The following TMEM132C variants were observed in gnomAD, a reference collection of about 807,000 sequenced individuals.
The protein encoded by TMEM132C is transmembrane protein 132C, also known as protein phosphatase 1, regulatory subunit 152.
A neutral mutation model predicts 61.4 loss-of-function variants in TMEM132C; 29 were observed. The observed-to-expected ratio is 0.47, with a 90% CI of 0.35 to 0.64. The LOEUF (loss-of-function observed/expected upper bound fraction) is 0.64. Ranked by LOEUF, TMEM132C falls within the 30% of genes least tolerant of loss-of-function variation. The probability of loss-of-function intolerance (pLI) is 0.00; values close to 1 mark genes in which losing one functional copy is unlikely to be tolerated. For synonymous variants in TMEM132C, 656 were observed against 633.1 expected (o/e 1.04, Z -0.54); for missense variants, 1,408 against 1,476.9 (o/e 0.95, Z 0.76).
At chr12:128,309,732 T>G (rs752983597) in intron 1 of TMEM132C, among the ~76,000 whole-genome samples, 2 of 151,222 alleles carry the variant, frequency 1.3e-5, no homozygotes, top group African/African-American at 2.4e-5. Flanking sequence ...TTTTCTTTTT[T>G]TTTTTTCTTT....
intron 1 of TMEM132C, among the ~76,000 whole-genome samples, chr12:128,318,085 G>A (rs966249562): frequency 1.3e-5 from 2 of 152,216 alleles, no homozygotes; most frequent in East Asian, 1.9e-4. Context: ...GCTGGGGCTC[G>A]GCTTTGAGGA....
chr12:128,440,641 C>G (rs759004347), intron 2 of TMEM132C, among the ~76,000 whole-genome samples: 3 of 152,194 alleles, frequency 2.0e-5, no homozygotes, highest in African/African-American at 7.2e-5. Flanking sequence ...TGGTTGAGAC[C>G]TGGTCACATG....
At chr12:128,309,204 T>G (rs1871888278) in intron 1 of TMEM132C, among the ~76,000 whole-genome samples, 1 of 152,204 alleles carries the variant, frequency 6.6e-6, no homozygotes. Context: ...TCGTTTTGTT[T>G]CAGGAATGAG....
At chr12:128,490,735 A>G (rs1231294095) in intron 2 of TMEM132C, among the ~76,000 whole-genome samples, 5 of 152,186 alleles carry the variant, frequency 3.3e-5, no homozygotes, top group Admixed American at 3.3e-4. Flanking sequence ...GGGTTTAAGA[A>G]CTAGCTCTGG....
Position 128,695,846 on chromosome 12 carries a change from G to C in TMEM132C, c.1672G>C (p.Glu558Gln). ...TCCCACAAGGCCCACTCGTGAGAGC[G>C]AGGATGAGGACGAGGAGGAGCGGCG... is the stretch of plus-strand genomic sequence containing the variant. ...VTNKRPTRES[E>Q]DEDEEERRGR... is the part of the protein sequence containing the mutation. Residue 558 changes from glutamate (E) to glutamine (Q), a missense_variant, in exon 7 of 9, where the codon GAG becomes CAG. Transcript: ENST00000435159. 1 of 1,547,916 alleles carries C rather than the reference G, an allele frequency of 6.5e-7. No individual in the cohort carries two copies. Among genetic ancestry groups the C allele is most frequent in the Non-Finnish European group, 8.7e-7 (1 of 1,144,572 alleles).
chr12:128,575,316 T>G (rs1174811264), intron 3 of TMEM132C, among the ~76,000 whole-genome samples: 2 of 152,114 alleles, frequency 1.3e-5, no homozygotes, highest in Admixed American at 1.3e-4. Flanking sequence ...CCATCTCTAC[T>G]GAAAATACAA....
At chr12:128,468,012 T>C (rs1870798070) in intron 2 of TMEM132C, among the ~76,000 whole-genome samples, 1 of 152,106 alleles carries the variant, frequency 6.6e-6, no homozygotes, top group South Asian at 2.1e-4. Context: ...AGGACATCAC[T>C]TGGAGGGGAT....
intron 1 of TMEM132C, among the ~76,000 whole-genome samples, chr12:128,358,493 T>TTGTGTGTGTC (rs1873589929): frequency 6.9e-6 from 1 of 144,900 alleles, no homozygotes; most frequent in Admixed American, 6.9e-5. Context: ...ACTTTTAAAA[T>TTGTGTGTGTC]TGTGTGTGTG....
intron 3 of TMEM132C, among the ~76,000 whole-genome samples, chr12:128,553,778 TC>T (rs1874247307): frequency 6.6e-6 from 1 of 152,032 alleles, no homozygotes; most frequent in Non-Finnish European, 1.5e-5. Flanking sequence ...TTGTCACCCC[TC>T]TCCTGGCCTT....
At chr12:128,613,566 C>CG (rs1876705567) in intron 3 of TMEM132C, among the ~76,000 whole-genome samples, 1 of 152,164 alleles carries the variant, frequency 6.6e-6, no homozygotes, top group Non-Finnish European at 1.5e-5. Flanking sequence ...AGATTTGCAG[C>CG]CCCTAGCTTG....
At position 128,630,044 on chromosome 12, in the gene TMEM132C, T is replaced by C. The variant is rs976934661; in HGVS notation, c.1305+13709T>C. Among the ~76,000 whole-genome samples the C allele has an allele frequency of 4.0e-5, 6 of 151,218 alleles. No individual in the cohort carries two copies. The highest frequency in any genetic ancestry group is 3.3e-4 in the Admixed American group (5 of 15,192). On this transcript the variant is annotated intron_variant, in intron 4 of 8. Transcript: ENST00000435159. This position sits in a 1 kb window ranked among gnomAD's most constrained non-coding sequence, Gnocchi z 4.3. ...ACCATAATAAAATAAATTTTAAAAA[T>C]TCAAATGCAAGCTGTGGGCTAAGGG...
chr12:128,432,005 G>A (rs10773542), intron 2 of TMEM132C, among the ~76,000 whole-genome samples: 1 of 151,898 alleles, frequency 6.6e-6, no homozygotes, highest in Admixed American at 6.6e-5. Context: ...TGTCTGTGTC[G>A]ATAAATGGAA....
chr12:128,507,036 G>A (rs1023563353), intron 2 of TMEM132C, among the ~76,000 whole-genome samples: 1 of 152,050 alleles, frequency 6.6e-6, no homozygotes, highest in Non-Finnish European at 1.5e-5. Flanking sequence ...GCAGATCCCA[G>A]GGAAAAAGAA....
At chr12:128,607,925 G>A (rs1876484489) in intron 3 of TMEM132C, among the ~76,000 whole-genome samples, 1 of 152,120 alleles carries the variant, frequency 6.6e-6, no homozygotes, top group African/African-American at 2.4e-5. Flanking sequence ...AAAGCTTGTG[G>A]TCACGCTCTC....
intron 1 of TMEM132C, among the ~76,000 whole-genome samples, chr12:128,277,657 G>T (rs1481448020): frequency 2.0e-5 from 3 of 152,178 alleles, no homozygotes; most frequent in Admixed American, 1.3e-4. Context: ...AGAAGATGGG[G>T]AATGACTGCC....
At chr12:128,385,869 C>T (rs779090042) in intron 1 of TMEM132C, among the ~76,000 whole-genome samples, 1 of 152,146 alleles carries the variant, frequency 6.6e-6, no homozygotes, top group East Asian at 1.9e-4. Flanking sequence ...GACGTGGGTG[C>T]TGTCTGCTCC....
chr12:128,614,816 A>C (rs762009625), intron 3 of TMEM132C, among the ~76,000 whole-genome samples: 1 of 152,226 alleles, frequency 6.6e-6, no homozygotes, highest in Non-Finnish European at 1.5e-5. Flanking sequence ...AATCTCTAGG[A>C]GAACCACTGA....
Position 128,622,359 on chromosome 12 carries a change from AAATATATATATATATAT to A in TMEM132C, c.1305+6026_1305+6042del, listed in dbSNP as rs1264264653. Reference sequence around the variant, plus strand: ...ACTTTGTCTCAAAAAAAAAAAAAAAAAATATATATATATATATATATATATATATATATATATATATA... The same window carrying A: ...ACTTTGTCTCAAAAAAAAAAAAAAAAATATATATATATATATATATATATA... On this transcript the variant is annotated intron_variant, in intron 4 of 8. Transcript: ENST00000435159. 2.4e-3 allele frequency among the ~76,000 whole-genome samples: 135 copies of A among 56,402 alleles called. 8 individuals carry two copies. The East Asian group carries it at 0.05, about 21-fold the overall frequency. The allele number at this position is 56,402 out of a possible 152,430, so 37.0% of individuals were successfully genotyped here.
At chr12:128,609,087 C>T (rs78439898) in intron 3 of TMEM132C, among the ~76,000 whole-genome samples, 3,817 of 152,002 alleles carry the variant, frequency 0.025, 311 homozygotes, top group East Asian at 0.2. Flanking sequence ...CAGCTCACTG[C>T]AACACTGTAA....
Sources: gnomAD v4.1 joint callset for allele counts (sites outside exome capture counted in the v4.1 genomes callset) on GRCh38, gnomAD v4.1.1 for gene constraint, Gnocchi (gnomAD v3.1) non-coding constraint, MANE v1.5 for transcripts, NCBI Gene and HGNC (gene_info 2026-07-23, HGNC 2026-07-21) for gene names.